The following CACNG8 variants were observed in gnomAD, a reference collection of about 807,000 sequenced individuals.
CACNG8 encodes calcium voltage-gated channel auxiliary subunit gamma 8, also known as voltage-dependent calcium channel gamma-8 subunit.
A neutral mutation model predicts 26.9 loss-of-function variants in CACNG8; 5 were observed. That is an observed-to-expected ratio of 0.19 (90% CI 0.10 to 0.39). The LOEUF (loss-of-function observed/expected upper bound fraction) is 0.39, where lower values mean the gene tolerates loss of function less well. Among genes scored for constraint, CACNG8 ranks in the 10% least tolerant of loss-of-function variants. The probability of loss-of-function intolerance (pLI) is 1.00; values close to 1 mark genes in which losing one functional copy is unlikely to be tolerated. For synonymous variants in CACNG8, 321 were observed against 296.7 expected (o/e 1.08, Z -0.84); for missense variants, 473 against 609.4 (o/e 0.78, Z 2.36).
chr19:53,976,673 CTCT>C (rs1411832117), intron 1 of CACNG8, among the ~76,000 whole-genome samples: 1 of 149,008 alleles, frequency 6.7e-6, no homozygotes, highest in Non-Finnish European at 1.5e-5. Flanking sequence ...CTTTCTCTCT[CTCT>C]TTTTTTTTTC....
At chr19:53,971,278 T>C (rs12978612) in intron 1 of CACNG8, among the ~76,000 whole-genome samples, 80,362 of 149,414 alleles carry the variant, frequency 0.54, 23,279 homozygotes, top group African/African-American at 0.76. Flanking sequence ...GGCAACAGAT[T>C]GAGGCCCTGT....
At chr19:53,968,391 A>G (rs576241634) in intron 1 of CACNG8, among the ~76,000 whole-genome samples, 18 of 152,074 alleles carry the variant, frequency 1.2e-4, no homozygotes, top group African/African-American at 4.3e-4. Flanking sequence ...AACAAAAAAA[A>G]AAAGAGAGAG....
chr19:53,963,357 G>A lies in CACNG8; in HGVS notation c.215G>A (p.Gly72Asp). 2 of 1,591,490 alleles carry A rather than the reference G, an allele frequency of 1.3e-6. No homozygotes were observed. The highest frequency in any genetic ancestry group is 1.7e-6 in the Non-Finnish European group (2 of 1,174,838). ...GGGACCCCCCACCGCGGGGGCGGCG[G>A]CGCCTCGGAGAAGAAGGACCCCGGC... The change falls in exon 1 of 4, where the codon GGC becomes GAC. Residue 72 changes from glycine (G) to aspartate (D), a missense_variant. By Grantham distance (94) the Gly-to-Asp change is moderately conservative. This residue lies in a region of CACNG8 where 69 missense variants were observed against 66.7 expected (regional missense o/e 1.03). Transcript: ENST00000270458.
intron 1 of CACNG8, among the ~76,000 whole-genome samples, chr19:53,970,864 C>T (rs1169778544): frequency 1.4e-4 from 20 of 144,324 alleles, no homozygotes; most frequent in African/African-American, 4.4e-4. Context: ...CCCAGAAGGT[C>T]GAGGCTGCAG....
chr19:53,977,931 T>G (rs2069339629), intron 1 of CACNG8, among the ~76,000 whole-genome samples: 1 of 152,180 alleles, frequency 6.6e-6, no homozygotes, highest in African/African-American at 2.4e-5. Context: ...TTTTCCTTGC[T>G]TTTCTTCTTT....
At chr19:53,964,534 C>T (rs554746753) in intron 1 of CACNG8, among the ~76,000 whole-genome samples, 5 of 152,044 alleles carry the variant, frequency 3.3e-5, no homozygotes, top group Non-Finnish European at 5.9e-5. Context: ...TGACTCGATG[C>T]CTCAGGCCTT....
Position 53,982,771 on chromosome 19 carries a change from G to A in CACNG8, c.1200G>A (p.Ala400=), listed in dbSNP as rs1054881726. 3.1e-6 allele frequency: 4 copies of A among 1,274,060 alleles called. No individual in the cohort carries two copies. Among genetic ancestry groups the A allele is most frequent in the East Asian group, 3.6e-5 (1 of 28,078 alleles). 78.9% of individuals were successfully genotyped at this position (1,274,060 alleles called of 1,614,324 possible). A position where few individuals can be genotyped will look rare whatever the true frequency, so the allele number is the denominator to read the frequency against. Residue 400 remains alanine (A), a synonymous_variant, in exon 4 of 4, where the codon GCG becomes GCA. Transcript: ENST00000270458. This position sits in a 1 kb window ranked among gnomAD's most constrained non-coding sequence, Gnocchi z 8.4. ...CGCCCGCGCCACCCGCGCCCTCTGC[G>A]CCCGCCCCCGGGACCCTGGCCAAGG...
rs2069414501 is a variant in CACNG8 at position 53,987,469 on chromosome 19, T to G, written c.*4620T>G. On this transcript the variant is annotated 3_prime_UTR_variant, in exon 4 of 4. Coordinates refer to ENST00000270458, the MANE Select transcript of CACNG8 (RefSeq NM_031895.6). The stretch of plus-strand genomic sequence containing the variant: ...GGGAAGGAAGGAGGTAGCGGGCTGT[T>G]GCCTTCCTCTGGTTGCTGGAGGCCT... 1 of 152,750 alleles carries G rather than the reference T, an allele frequency of 6.5e-6. No homozygotes were observed. Among genetic ancestry groups the G allele is most frequent in the South Asian group, 2.1e-4 (1 of 4,828 alleles). The allele number at this position is 152,750 out of a possible 1,614,324, so 9.5% of individuals were successfully genotyped here.
At chr19:53,976,857 G>A (rs957727445) in intron 1 of CACNG8, among the ~76,000 whole-genome samples, 6 of 152,096 alleles carry the variant, frequency 3.9e-5, no homozygotes, top group African/African-American at 1.4e-4. Context: ...ATTTTTAGTA[G>A]AGATAGGGTT....
intron 1 of CACNG8, among the ~76,000 whole-genome samples, chr19:53,963,653 A>C (rs1402595610): frequency 6.6e-6 from 1 of 151,756 alleles, no homozygotes; most frequent in African/African-American, 2.4e-5. Flanking sequence ...CTCCCTCTGC[A>C]GCCCCTCTGC....
rs1254126568 is a variant in CACNG8 at position 53,983,646 on chromosome 19, T to C, written c.*797T>C. 6.6e-6 allele frequency: 1 copy of C among 152,228 alleles called. No individual in the cohort carries two copies. The highest frequency in any genetic ancestry group is 1.5e-5 in the Non-Finnish European group (1 of 68,066). 9.4% of individuals were successfully genotyped at this position (152,228 alleles called of 1,614,324 possible). ...TACACAATAAATTACAGTTAGGCTA[T>C]AGGAGAAACGAGATGCTATGAAATG... On this transcript the variant is annotated 3_prime_UTR_variant, in exon 4 of 4. Transcript: ENST00000270458.
chr19:53,980,241 G>A (rs940703445), intron 3 of CACNG8, among the ~76,000 whole-genome samples: 3 of 143,466 alleles, frequency 2.1e-5, no homozygotes, highest in Non-Finnish European at 4.6e-5. Context: ...GCCTTCGGAG[G>A]AGTAAACCGA....
At position 53,982,283 on chromosome 19, in the gene CACNG8, T is replaced by C. The variant is rs1308818058; in HGVS notation, c.712T>C (p.Ser238Pro). The change falls in exon 4 of 4, where the codon TCT (serine) becomes CCT (proline). Residue 238 changes from serine to proline, a missense_variant. By Grantham distance (74) the Ser-to-Pro change is moderately conservative (BLOSUM62 -1). Transcript: ENST00000270458. The surrounding 1 kb of genome is among the most constrained non-coding windows in gnomAD (Gnocchi z 8.4). ...GCGCAGCCGCGAGGCGCACTGCCAGTCTCGCTCGGACCTGCTCAAGGCCGG... is the reference window on the plus strand; with the variant it reads ...GCGCAGCCGCGAGGCGCACTGCCAGCCTCGCTCGGACCTGCTCAAGGCCGG... 2 of 1,611,356 alleles carry C rather than the reference T, an allele frequency of 1.2e-6. No homozygotes were observed. Among genetic ancestry groups the C allele is most frequent in the Admixed American group, 3.3e-5 (2 of 59,834 alleles).
rs1002746600 is a variant in CACNG8, at chr19:53,978,225, A to G, written c.363A>G (p.Leu121=). The stretch of plus-strand genomic sequence containing the variant: ...ACGACCACGACAGCGCGGAGTATCT[A>G]CTCCGTACGTGGGGGTCCGGGACAG... The change falls in exon 2 of 4, where the codon CTA becomes CTG. Residue 121 remains leucine (L), a synonymous_variant. Coordinates refer to ENST00000270458, the MANE Select transcript of CACNG8 (RefSeq NM_031895.6). 6.2e-7 allele frequency: 1 copy of G among 1,611,622 alleles called. No homozygotes were observed. Among genetic ancestry groups the G allele is most frequent in the Non-Finnish European group, 8.5e-7 (1 of 1,179,190 alleles).
Position 53,985,140 on chromosome 19 carries a change from A to C in CACNG8, c.*2291A>C, listed in dbSNP as rs1050532057. 21 of 152,328 alleles carry C rather than the reference A, an allele frequency of 1.4e-4. No individual in the cohort carries two copies. Among genetic ancestry groups the C allele is most frequent in the African/African-American group, 4.6e-4 (19 of 41,532 alleles). The allele number at this position is 152,328 out of a possible 1,614,324, so 9.4% of individuals were successfully genotyped here. A position where few individuals can be genotyped will look rare whatever the true frequency, so the allele number is the denominator to read the frequency against. On this transcript the variant is annotated 3_prime_UTR_variant, in exon 4 of 4. Transcript: ENST00000270458. ...GGCTTCCCTTCCATATTTGCTCAGC[A>C]AGTGTTTCCTGAGGCCTCCCCCGAA...
At position 53,983,957 on chromosome 19, in the gene CACNG8, G is replaced by T. The variant is rs534231701; in HGVS notation, c.*1108G>T. On this transcript the variant is annotated 3_prime_UTR_variant, in exon 4 of 4. Transcript: ENST00000270458. ...AGGAGTGGTGAGGGCCGTGGAACGG[G>T]TTTAAGCAGGACGCTAACGTGAATG... 3 of 152,512 alleles carry T rather than the reference G, an allele frequency of 2.0e-5. No individual in the cohort carries two copies. The highest frequency in any genetic ancestry group is 2.0e-4 in the Admixed American group (3 of 15,306). 9.4% of individuals were successfully genotyped at this position (152,512 alleles called of 1,614,324 possible).
At position 53,963,449 on chromosome 19, in the gene CACNG8, G is replaced by A. The variant is rs779504131; in HGVS notation, c.283+24G>A. The A allele has an allele frequency of 2.1e-6, 3 of 1,424,126 alleles. No homozygotes were observed. In the African/African-American group the frequency reaches 4.5e-5, roughly 21 times the overall value. 88.2% of individuals were successfully genotyped at this position (1,424,126 alleles called of 1,614,324 possible). A position where few individuals can be genotyped will look rare whatever the true frequency, so the allele number is the denominator to read the frequency against. ...AGGTAGGGTGCGGGCGGCCCTCCCC[G>A]CAGCCCCCGCCGCTCCCCTCCGAGA... is the stretch of plus-strand genomic sequence containing the variant. On this transcript the variant is annotated intron_variant, in intron 1 of 3. Coordinates refer to ENST00000270458, the MANE Select transcript of CACNG8 (RefSeq NM_031895.6).
chr19:53,971,633 C>T (rs769533738), intron 1 of CACNG8, among the ~76,000 whole-genome samples: 24 of 152,346 alleles, frequency 1.6e-4, no homozygotes, highest in Non-Finnish European at 2.9e-4. Context: ...GCCCACAGCC[C>T]TATTTATTAG....
intron 1 of CACNG8, among the ~76,000 whole-genome samples, chr19:53,964,818 T>TGACCACTGTCTTCCCTCCTGC (rs1264486745): frequency 1.3e-5 from 2 of 152,186 alleles, no homozygotes; most frequent in African/African-American, 4.8e-5. Context: ...TGCCCTGCTG[T>TGACCACTGTCTTCCCTCCTGC]GTGACCACTG....
Sources: gnomAD v4.1 joint callset for allele counts (sites outside exome capture counted in the v4.1 genomes callset) on GRCh38, gnomAD v4.1.1 for gene constraint, gnomAD v4.1.1 regional missense constraint, Gnocchi (gnomAD v3.1) non-coding constraint, MANE v1.5 for transcripts, NCBI Gene and HGNC (gene_info 2026-07-23, HGNC 2026-07-21) for gene names.